The following ERBB4 variants were observed in gnomAD, a reference collection of about 807,000 sequenced individuals.
ERBB4 encodes receptor tyrosine-protein kinase erbB-4.
Under a neutral mutation model 158.0 loss-of-function variants are expected in ERBB4, and 42 were observed. That is an observed-to-expected ratio of 0.27 (90% CI 0.21 to 0.34). ERBB4 has a LOEUF of 0.34. ERBB4 is among the 10% of genes least tolerant of loss of function. The pLI, the probability that ERBB4 is intolerant of heterozygous loss-of-function variation, is 1.00. For missense variants in ERBB4, 1,333 were observed against 1,624.1 expected, an observed-to-expected ratio of 0.82 and a Z score of 3.08; for synonymous variants, 583 against 558.7, an observed-to-expected ratio of 1.04 and a Z score of -0.61.
chr2:212,253,951 T>C (rs980098970), intron 1 of ERBB4, among the ~76,000 whole-genome samples: 10 of 152,144 alleles, frequency 6.6e-5, no homozygotes, highest in African/African-American at 1.9e-4. Flanking sequence ...CTGTAGGCAA[T>C]TGTAATACAA....
At chr2:212,391,685 ATATAT>A (rs72463776) in intron 1 of ERBB4, among the ~76,000 whole-genome samples, 16 of 128,058 alleles carry the variant, frequency 1.2e-4, no homozygotes, top group African/African-American at 2.7e-4. Context: ...TATATATTAT[ATATAT>A]TATATTATAT....
In ERBB4 at chr2:212,169,376, T is replaced by C. The variant is rs150721260; in HGVS notation, c.83-44473A>G. On this transcript the variant is annotated intron_variant, in intron 1 of 27. Coordinates refer to ENST00000342788, the MANE Select transcript of ERBB4 (RefSeq NM_005235.3). ...TATACATACACTTACAACCATTTGATTTTGGACAAACCTGACAAAAACAAG... is the reference window on the plus strand; with the variant it reads ...TATACATACACTTACAACCATTTGACTTTGGACAAACCTGACAAAAACAAG... Among the ~76,000 whole-genome samples the C allele has an allele frequency of 4.5e-3, 684 of 152,212 alleles. 1 individual carries two copies. Among genetic ancestry groups the C allele is most frequent in the African/African-American group, 9.6e-3 (398 of 41,532 alleles).
intron 3 of ERBB4, among the ~76,000 whole-genome samples, chr2:211,877,310 G>A (rs2078530646): frequency 6.6e-6 from 1 of 152,148 alleles, no homozygotes; most frequent in African/African-American, 2.4e-5. Context: ...ATAACATTCA[G>A]GAAGCCAGAT....
intron 1 of ERBB4, among the ~76,000 whole-genome samples, chr2:212,495,770 C>T (rs906645001): frequency 1.3e-5 from 2 of 152,156 alleles, no homozygotes; most frequent in African/African-American, 4.8e-5. Flanking sequence ...GAATGTCATA[C>T]AGGTACAGAA....
At chr2:212,227,881 T>C (rs958105422) in intron 1 of ERBB4, among the ~76,000 whole-genome samples, 1 of 152,050 alleles carries the variant, frequency 6.6e-6, no homozygotes, top group Non-Finnish European at 1.5e-5. Context: ...CACACTCACA[T>C]AGCATAAATA....
chr2:211,635,042 G>A (rs1160631574), intron 16 of ERBB4, among the ~76,000 whole-genome samples: 1 of 152,090 alleles, frequency 6.6e-6, no homozygotes, highest in Non-Finnish European at 1.5e-5. Flanking sequence ...AGATCACAAG[G>A]TTCAAATACT....
chr2:212,297,183 T>C (rs1002481936), intron 1 of ERBB4, among the ~76,000 whole-genome samples: 1 of 152,052 alleles, frequency 6.6e-6, no homozygotes, highest in East Asian at 1.9e-4. Context: ...TATTTTTGTA[T>C]AAGAAGTGGC....
chr2:212,202,360 TA>T (rs1405951205), intron 1 of ERBB4, among the ~76,000 whole-genome samples: 2 of 152,150 alleles, frequency 1.3e-5, no homozygotes, highest in Admixed American at 1.3e-4. Context: ...TTTTTATTTT[TA>T]TTTTTTTGAG....
intron 4 of ERBB4, among the ~76,000 whole-genome samples, chr2:211,763,901 C>CACACACACACACACAA (rs1278265445): frequency 2.6e-5 from 4 of 151,974 alleles, no homozygotes; most frequent in Non-Finnish European, 5.9e-5. Context: ...TGTGTATACA[C>CACACACACACACACAA]ACACACACAC....
intron 16 of ERBB4, among the ~76,000 whole-genome samples, chr2:211,638,376 T>A (rs2070440091): frequency 6.6e-6 from 1 of 152,108 alleles, no homozygotes; most frequent in African/African-American, 2.4e-5. Flanking sequence ...AGAGCTACAT[T>A]AAGGGAGTTC....
At chr2:212,537,031 T>C (rs1575102700) in intron 1 of ERBB4, among the ~76,000 whole-genome samples, 1 of 152,020 alleles carries the variant, frequency 6.6e-6, no homozygotes, top group East Asian at 1.9e-4. Flanking sequence ...TTCGGAGTAA[T>C]TGGGAGGGTG....
At chr2:212,294,766 A>G (rs2086348527) in intron 1 of ERBB4, among the ~76,000 whole-genome samples, 1 of 152,124 alleles carries the variant, frequency 6.6e-6, no homozygotes, top group Admixed American at 6.6e-5. Context: ...TACTATAACC[A>G]AATTTTAAAA....
chr2:212,136,148 T>G (rs1317125488), intron 1 of ERBB4, among the ~76,000 whole-genome samples: 4 of 152,180 alleles, frequency 2.6e-5, no homozygotes, highest in Admixed American at 2.6e-4. Flanking sequence ...ATTTTTCCTG[T>G]TAGGAGAATT....
intron 2 of ERBB4, among the ~76,000 whole-genome samples, chr2:212,042,987 C>T (rs1204124386): frequency 6.6e-6 from 1 of 152,110 alleles, no homozygotes; most frequent in African/African-American, 2.4e-5. Context: ...AGCTTAGTTT[C>T]TTTAGCTGTG....
At chr2:212,216,461 T>A (rs2083102542) in intron 1 of ERBB4, among the ~76,000 whole-genome samples, 1 of 151,320 alleles carries the variant, frequency 6.6e-6, no homozygotes. Flanking sequence ...GTCACTCCCA[T>A]GTAGAGAGTG....
At chr2:212,172,948 T>C (rs1313860530) in intron 1 of ERBB4, among the ~76,000 whole-genome samples, 1 of 152,062 alleles carries the variant, frequency 6.6e-6, no homozygotes, top group Non-Finnish European at 1.5e-5. Context: ...TAGTTGGAAA[T>C]TTTAAAAACA....
intron 20 of ERBB4, among the ~76,000 whole-genome samples, chr2:211,511,119 T>C (rs2065874043): frequency 6.6e-6 from 1 of 152,010 alleles, no homozygotes; most frequent in Non-Finnish European, 1.5e-5. Context: ...ATCAATGTAT[T>C]AGTATATTAA....
chr2:212,410,588 T>G (rs147481046), intron 1 of ERBB4, among the ~76,000 whole-genome samples: 3 of 152,196 alleles, frequency 2.0e-5, no homozygotes, highest in Non-Finnish European at 2.9e-5. Flanking sequence ...CTGAATAATA[T>G]TCTCCTCTCA....
At chr2:211,524,873 G>T (rs2066301451) in intron 20 of ERBB4, among the ~76,000 whole-genome samples, 1 of 152,202 alleles carries the variant, frequency 6.6e-6, no homozygotes, top group African/African-American at 2.4e-5. Context: ...CAAAGTGGGA[G>T]CCCAGGCAGA....
Sources: allele counts gnomAD v4.1 joint callset (sites outside exome capture counted in the v4.1 genomes callset), GRCh38; gene constraint gnomAD v4.1.1; transcripts MANE v1.5; gene names NCBI Gene and HGNC (gene_info 2026-07-23, HGNC 2026-07-21).